CACNA1C: variants seen among roughly 807,000 people sequenced by gnomAD.
CACNA1C encodes voltage-dependent L-type calcium channel subunit alpha-1C.
CACNA1C carries 30 observed loss-of-function variants against 229.0 expected under a neutral mutation model. The ratio of observed to expected loss-of-function variants is 0.13; its 90% CI spans 0.10 to 0.18. The LOEUF (loss-of-function observed/expected upper bound fraction) is 0.18, where lower values mean the gene tolerates loss of function less well. CACNA1C is among the 10% of genes least tolerant of loss of function. The probability of loss-of-function intolerance (pLI) is 1.00; values close to 1 mark genes in which losing one functional copy is unlikely to be tolerated. For missense variants in CACNA1C, 1,658 were observed against 2,845.0 expected (o/e 0.58, Z 9.49); for synonymous variants, 1,114 against 1,132.5 (o/e 0.98, Z 0.33).
At position 2,067,966 on chromosome 12, in the gene CACNA1C, T is replaced by C. The variant is rs891347280; in HGVS notation, c.49+14355T>C. On this transcript the variant is annotated intron_variant, in intron 1 of 46. Transcript: ENST00000399655. The surrounding 1 kb of genome is among the most constrained non-coding windows in gnomAD (Gnocchi z 5.3). ...TAAGCCCTGCGATTTTATATCCTTA[T>C]AATTATATCAGAATATCAAATTCCT... 3.3e-5 allele frequency among the ~76,000 whole-genome samples: 5 copies of C among 152,206 alleles called. No homozygotes were observed. Among genetic ancestry groups the C allele is most frequent in the Non-Finnish European group, 5.9e-5 (4 of 68,040 alleles).
intron 5 of CACNA1C, among the ~76,000 whole-genome samples, chr12:2,483,126 G>A (rs2099682941): frequency 2.0e-5 from 3 of 152,352 alleles, no homozygotes; most frequent in Admixed American, 1.3e-4. Context: ...AGCTCTCAGC[G>A]AGGCAGGGAA....
At position 2,355,020 on chromosome 12, in the gene CACNA1C, A is replaced by G. The variant is rs74059839; in HGVS notation, c.478-93956A>G. Among the ~76,000 whole-genome samples, 815 of 152,260 alleles carry G rather than the reference A, an allele frequency of 5.4e-3. 7 individuals are homozygous for G. The highest frequency in any genetic ancestry group is 0.017 in the Middle Eastern group (5 of 294). Reference sequence around the variant, plus strand: ...GTGGGGTGGGGTGGAGGGCTGAAGAAGGAGGCGTAACATTGTGTAAGGTTG... The same window carrying G: ...GTGGGGTGGGGTGGAGGGCTGAAGAGGGAGGCGTAACATTGTGTAAGGTTG... On this transcript the variant is annotated intron_variant, in intron 3 of 46. Coordinates refer to ENST00000399655, the MANE Select transcript of CACNA1C (RefSeq NM_000719.7).
At chr12:2,195,560 A>C (rs2097374277) in intron 3 of CACNA1C, among the ~76,000 whole-genome samples, 1 of 152,226 alleles carries the variant, frequency 6.6e-6, no homozygotes, top group African/African-American at 2.4e-5. Flanking sequence ...TGCCATCATC[A>C]AAATGTCTTC....
chr12:2,265,237 C>A (rs944918896), intron 3 of CACNA1C, among the ~76,000 whole-genome samples: 2 of 152,192 alleles, frequency 1.3e-5, no homozygotes, highest in African/African-American at 4.8e-5. Flanking sequence ...CCGCAAATGT[C>A]TGGCTATCTA....
chr12:2,563,422 T>C (rs1345788483), intron 11 of CACNA1C, among the ~76,000 whole-genome samples: 1 of 152,184 alleles, frequency 6.6e-6, no homozygotes, highest in African/African-American at 2.4e-5. Context: ...CCCTGTGTAG[T>C]GGATTTTCCC....
intron 3 of CACNA1C, among the ~76,000 whole-genome samples, chr12:2,379,975 G>A (rs2098190336): frequency 7.1e-6 from 1 of 141,714 alleles, no homozygotes; most frequent in Non-Finnish European, 1.5e-5. Context: ...AGCTTGCAGT[G>A]AGCCGAGATC....
chr12:2,667,814 A>C (rs548157666), intron 37 of CACNA1C, among the ~76,000 whole-genome samples: 1 of 152,270 alleles, frequency 6.6e-6, no homozygotes, highest in Admixed American at 6.5e-5. Context: ...TAACCCTTCT[A>C]GACACTGAGA....
chr12:2,586,227 A>G (rs948046591), intron 18 of CACNA1C, among the ~76,000 whole-genome samples: 23 of 152,192 alleles, frequency 1.5e-4, no homozygotes, highest in Admixed American at 5.9e-4. Context: ...ATGTATTAGT[A>G]TGGCATATGT....
At chr12:2,395,837 T>C (rs2098558067) in intron 3 of CACNA1C, among the ~76,000 whole-genome samples, 1 of 152,214 alleles carries the variant, frequency 6.6e-6, no homozygotes, top group African/African-American at 2.4e-5. Flanking sequence ...ACATGAGTAG[T>C]TGCTCATACC....
At chr12:2,555,143 T>G (rs185765482) in intron 10 of CACNA1C, among the ~76,000 whole-genome samples, 23 of 152,290 alleles carry the variant, frequency 1.5e-4, no homozygotes, top group Admixed American at 8.5e-4. Context: ...AAGCAGGACC[T>G]CCTTTCCCAG....
chr12:2,408,393 T>G (rs1386582574), intron 3 of CACNA1C, among the ~76,000 whole-genome samples: 1 of 152,164 alleles, frequency 6.6e-6, no homozygotes, highest in Non-Finnish European at 1.5e-5. Context: ...CGCAGTAAAT[T>G]TTATGTTATG....
At chr12:2,475,254 A>C (rs7294932) in intron 5 of CACNA1C, among the ~76,000 whole-genome samples, 110,328 of 151,168 alleles carry the variant, frequency 0.73, 40,687 homozygotes, top group East Asian at 0.88. Context: ...AGCCGAGATC[A>C]CGCCACTGCA....
chr12:2,232,239 T>TG (rs1276388276), intron 3 of CACNA1C, among the ~76,000 whole-genome samples: 5 of 146,566 alleles, frequency 3.4e-5, no homozygotes, highest in Admixed American at 2.7e-4. Flanking sequence ...TTTTTTTTTT[T>TG]TTTTTTTTTT....
At chr12:2,236,355 C>T (rs1467892599) in intron 3 of CACNA1C, among the ~76,000 whole-genome samples, 1 of 152,166 alleles carries the variant, frequency 6.6e-6, no homozygotes, top group Non-Finnish European at 1.5e-5. Context: ...ACTATCATGC[C>T]TGTGTACTAA....
At position 2,632,104 on chromosome 12, in the gene CACNA1C, C is replaced by T. The variant is rs78463148; in HGVS notation, c.3829-2193C>T. ...CCCCACTCCGACCTCAGAATTCCACCTCCTGGAAGCCCAGAGGGCAGGCAA... is the reference window on the plus strand; with the variant it reads ...CCCCACTCCGACCTCAGAATTCCACTTCCTGGAAGCCCAGAGGGCAGGCAA... On this transcript the variant is annotated intron_variant, in intron 29 of 46. Coordinates refer to ENST00000399655, the MANE Select transcript of CACNA1C (RefSeq NM_000719.7). This position sits in a 1 kb window ranked among gnomAD's most constrained non-coding sequence, Gnocchi z 4.1. 0.089 allele frequency among the ~76,000 whole-genome samples: 13,605 copies of T among 152,094 alleles called. 626 individuals are homozygous for T. Among genetic ancestry groups the T allele is most frequent in the East Asian group, 0.15 (758 of 5,164 alleles).
At chr12:2,222,674 C>T (rs1461414008) in intron 3 of CACNA1C, among the ~76,000 whole-genome samples, 1 of 152,136 alleles carries the variant, frequency 6.6e-6, no homozygotes, top group African/African-American at 2.4e-5. Flanking sequence ...CTCATGCAAC[C>T]AAATGGCCAG....
intron 1 of CACNA1C, among the ~76,000 whole-genome samples, chr12:2,009,838 T>C (rs994948034): frequency 1.3e-5 from 2 of 152,226 alleles, no homozygotes; most frequent in African/African-American, 4.8e-5. Flanking sequence ...CACCTCTTTC[T>C]ATCTACGTGA....
At chr12:1,991,276 C>T (rs1318483006) in intron 1 of CACNA1C, 2 of 454,694 alleles carry the variant, frequency 4.4e-6, no homozygotes, top group African/African-American at 4.0e-5. Context: ...ATGTCTACTC[C>T]ACAAAATTGT....
chr12:2,242,278 T>A (rs537820607), intron 3 of CACNA1C, among the ~76,000 whole-genome samples: 37 of 152,242 alleles, frequency 2.4e-4, no homozygotes, highest in African/African-American at 8.4e-4. Context: ...GTCTTCACTT[T>A]CCCGCAGAAA....
Sources: allele counts gnomAD v4.1 joint callset (sites outside exome capture counted in the v4.1 genomes callset), GRCh38; gene constraint gnomAD v4.1.1; non-coding constraint Gnocchi (gnomAD v3.1); transcripts MANE v1.5; gene names NCBI Gene and HGNC (gene_info 2026-07-23, HGNC 2026-07-21).